The following HSD17B6 variants were observed in gnomAD, a reference collection of about 807,000 sequenced individuals.
HSD17B6 encodes 17-beta-hydroxysteroid dehydrogenase type 6.
In HSD17B6, 16 loss-of-function variants were observed where a neutral mutation model predicts 26.4. That is an observed-to-expected ratio of 0.61 (90% CI 0.41 to 0.92). HSD17B6 has a LOEUF of 0.92. HSD17B6 is among the 40% of genes least tolerant of loss of function. The pLI is 0.00. For missense variants in HSD17B6, 357 were observed against 386.1 expected, an observed-to-expected ratio of 0.92 and a Z score of 0.63; for synonymous variants, 139 against 153.0, an observed-to-expected ratio of 0.91 and a Z score of 0.68.
intron 3 of HSD17B6, among the ~76,000 whole-genome samples, chr12:56,783,243 C>T (rs571299929): frequency 6.5e-4 from 99 of 151,476 alleles, no homozygotes; most frequent in African/African-American, 1.5e-3. Context: ...CCTCACCTCC[C>T]GGACGGGGTG....
intron 4 of HSD17B6, chr12:56,785,964 C>T (rs1267563848): frequency 1.0e-5 from 10 of 984,944 alleles, no homozygotes; most frequent in South Asian, 4.7e-5. Context: ...TTCTGAAGAC[C>T]TGGAGGAGGA....
chr12:56,782,168 G>A lies in HSD17B6; in HGVS notation c.508G>A (p.Ala170Thr), dbSNP rs1385906430. 2 of 1,614,050 alleles carry A rather than the reference G, an allele frequency of 1.2e-6. No individual in the cohort carries two copies. Among genetic ancestry groups the A allele is most frequent in the Non-Finnish European group, 1.7e-6 (2 of 1,180,030 alleles). ...TGTCTCCAGCATTCTGGGAAGAGTT[G>A]CTTTCTTTGTAGGAGGCTACTGTGT... Reference protein sequence around the residue: ...VNVSSILGRVAFFVGGYCVSK... With the variant: ...VNVSSILGRVTFFVGGYCVSK... Residue 170 changes from alanine to threonine, a missense_variant, in exon 3 of 5, where the codon GCT becomes ACT. Physicochemically the swap from Ala to Thr is moderately conservative, Grantham distance 58. Coordinates refer to ENST00000322165, the MANE Select transcript of HSD17B6 (RefSeq NM_003725.4).
chr12:56,771,176 G>T (rs903112452), intron 1 of HSD17B6, among the ~76,000 whole-genome samples: 1 of 152,156 alleles, frequency 6.6e-6, no homozygotes, highest in African/African-American at 2.4e-5. Context: ...ACAGTCTAAA[G>T]CTCTTCCTAT....
At chr12:56,764,068 C>CA (rs71081400) in intron 1 of HSD17B6, among the ~76,000 whole-genome samples, 856 of 74,210 alleles carry the variant, frequency 0.012, 35 homozygotes, top group African/African-American at 0.034. Context: ...GACCGTGTCT[C>CA]AAAAAAAAAA....
Position 56,773,842 on chromosome 12 carries a change from GCACCCTCA to G in HSD17B6, c.-9_-2del. ...TTTCTTTCTATTGAAAGAGAAGGAA[GCACCCTCA>G]CTATGTGGCTCTACCTGGCGGCCTT... On this transcript the variant is annotated 5_prime_UTR_variant, in exon 2 of 5. Transcript: ENST00000322165. 6.6e-7 allele frequency: 1 copy of G among 1,525,822 alleles called. No individual in the cohort carries two copies. The highest frequency in any genetic ancestry group is 8.8e-7 in the Non-Finnish European group (1 of 1,136,766). The allele number at this position is 1,525,822 out of a possible 1,614,324, so 94.5% of individuals were successfully genotyped here.
At chr12:56,766,910 T>C (rs1954341317) in intron 1 of HSD17B6, among the ~76,000 whole-genome samples, 1 of 152,120 alleles carries the variant, frequency 6.6e-6, no homozygotes, top group African/African-American at 2.4e-5. Context: ...AATTGGGTAG[T>C]CAGAAGGATT....
chr12:56,774,745 T>C (rs529329449), intron 2 of HSD17B6, among the ~76,000 whole-genome samples: 1 of 152,378 alleles, frequency 6.6e-6, no homozygotes, highest in South Asian at 2.1e-4. Context: ...ATCCCTGGCA[T>C]GTGCAGTTCA....
intron 3 of HSD17B6, among the ~76,000 whole-genome samples, chr12:56,783,286 C>G (rs1484928895): frequency 1.3e-5 from 2 of 149,236 alleles, no homozygotes; most frequent in African/African-American, 2.4e-5. Flanking sequence ...CCACCTCCCT[C>G]CCGGACGGGG....
At chr12:56,779,200 G>T (rs1592369335) in intron 2 of HSD17B6, among the ~76,000 whole-genome samples, 2 of 151,690 alleles carry the variant, frequency 1.3e-5, no homozygotes, top group South Asian at 2.1e-4. Context: ...GTAGTGCCAC[G>T]ATCAGCTCAC....
intron 4 of HSD17B6, among the ~76,000 whole-genome samples, 159 bp downstream of exon 4, chr12:56,785,175 C>G (rs1954849922): frequency 6.6e-6 from 1 of 152,130 alleles, no homozygotes; most frequent in Non-Finnish European, 1.5e-5. Flanking sequence ...AACTTATAAT[C>G]ATGGCAGAAG....
rs758335722 is a variant in HSD17B6 at position 56,787,129 on chromosome 12, C to T, written c.741C>T (p.Tyr247=). ...CATTTCTTTTTTTGTATACAGTTTA[C>T]AATATCATGAAGGAAGGGCTGTTGA... ...TYGQQYFDAL[Y]NIMKEGLLNC... is the part of the protein sequence containing the mutation. Residue 247 remains tyrosine, a synonymous_variant, in exon 5 of 5, where the codon TAC becomes TAT. Transcript: ENST00000322165. 2 of 1,610,836 alleles carry T rather than the reference C, an allele frequency of 1.2e-6. No individual in the cohort carries two copies. The highest frequency in any genetic ancestry group is 1.7e-6 in the Non-Finnish European group (2 of 1,177,042).
At chr12:56,776,304 CTTTT>C (rs141890070) in intron 2 of HSD17B6, among the ~76,000 whole-genome samples, 1 of 114,800 alleles carries the variant, frequency 8.7e-6, no homozygotes. Context: ...CATGTCTTGC[CTTTT>C]TTTTTTTTTT....
chr12:56,763,717 G>A (rs1320597593), intron 1 of HSD17B6, among the ~76,000 whole-genome samples: 1 of 151,986 alleles, frequency 6.6e-6, no homozygotes, highest in East Asian at 1.9e-4. Flanking sequence ...TCGGCAGTGG[G>A]GGAAACAAGC....
chr12:56,784,761 G>A (rs1369495105), intron 3 of HSD17B6, 92 bp from the exon 4 acceptor site: 23 of 1,253,854 alleles, frequency 1.8e-5, no homozygotes, highest in Non-Finnish European at 2.5e-5. Context: ...TTCAGTAAAG[G>A]TATTTTATAA....
chr12:56,779,749 G>A (rs1370602849), intron 2 of HSD17B6, among the ~76,000 whole-genome samples: 2 of 146,150 alleles, frequency 1.4e-5, no homozygotes, highest in African/African-American at 2.5e-5. Flanking sequence ...TTTCAGTTCT[G>A]TTTTTTGGCT....
At chr12:56,767,654 T>TTA in intron 1 of HSD17B6, among the ~76,000 whole-genome samples, 1 of 144,146 alleles carries the variant, frequency 6.9e-6, no homozygotes, top group South Asian at 2.1e-4. Flanking sequence ...ATTATATATA[T>TTA]TATATATATA....
chr12:56,767,545 A>C (rs1277859491), intron 1 of HSD17B6, among the ~76,000 whole-genome samples: 2 of 147,752 alleles, frequency 1.4e-5, no homozygotes, highest in Non-Finnish European at 3.0e-5. Context: ...ACAAAAAAAA[A>C]ACAAAAACAA....
intron 2 of HSD17B6, among the ~76,000 whole-genome samples, chr12:56,774,559 T>C (rs189902075): frequency 3.9e-5 from 6 of 152,342 alleles, no homozygotes; most frequent in Non-Finnish European, 8.8e-5. Flanking sequence ...TATTGTGCAC[T>C]TCATTATATT....
chr12:56,764,126 A>G (rs1244210851), intron 1 of HSD17B6, among the ~76,000 whole-genome samples: 1 of 151,936 alleles, frequency 6.6e-6, no homozygotes, highest in African/African-American at 2.4e-5. Flanking sequence ...AGAAAATCAA[A>G]AAGAAAAGAA....
Sources: gnomAD v4.1 joint callset for allele counts (sites outside exome capture counted in the v4.1 genomes callset) on GRCh38, gnomAD v4.1.1 for gene constraint, MANE v1.5 for transcripts, NCBI Gene and HGNC (gene_info 2026-07-23, HGNC 2026-07-21) for gene names.